The following RBFOX1 variants were observed in gnomAD, a reference collection of about 807,000 sequenced individuals.
RBFOX1 encodes the protein RNA binding fox-1 homolog 1.
RBFOX1 carries 8 observed loss-of-function variants against 57.7 expected under a neutral mutation model. The observed-to-expected ratio is 0.14, with a 90% CI of 0.08 to 0.25. RBFOX1 has a LOEUF of 0.25. Ranked by LOEUF, RBFOX1 falls within the 10% of genes least tolerant of loss-of-function variation. RBFOX1 has a pLI of 1.00. For missense variants in RBFOX1, 611 were observed against 548.5 expected, an observed-to-expected ratio of 1.11 and a Z score of -1.14; for synonymous variants, 326 against 222.4, an observed-to-expected ratio of 1.47 and a Z score of -4.15.
intron 2 of RBFOX1, among the ~76,000 whole-genome samples, chr16:5,522,211 G>A (rs7500340): frequency 0.71 from 107,700 of 152,104 alleles, 38,880 homozygotes; most frequent in East Asian, 0.88. Flanking sequence ...TCAAATCTGA[G>A]CTCTTCTACT....
At chr16:6,018,197 A>AAAGGGAGGGAGGAAGC (rs2095010365), upstream of RBFOX1, among the ~76,000 whole-genome samples, 1 of 145,490 alleles carries the variant, frequency 6.9e-6, no homozygotes, top group South Asian at 2.3e-4. Flanking sequence ...AGGAAGGAAG[A>AAAGGGAGGGAGGAAGC]AAGGGAGGGA....
chr16:7,633,207 A>G (rs940072802), intron 11 of RBFOX1, among the ~76,000 whole-genome samples: 2 of 152,224 alleles, frequency 1.3e-5, no homozygotes, highest in African/African-American at 4.8e-5. Context: ...CCGGCTCTTT[A>G]CAGAAGAAGT....
Position 6,861,340 on chromosome 16 carries a change from A to T in RBFOX1, c.-15-190717A>T, listed in dbSNP as rs190112488. 1.1e-4 allele frequency among the ~76,000 whole-genome samples: 16 copies of T among 152,316 alleles called. No individual in the cohort carries two copies. The East Asian group carries it at 2.9e-3, about 28-fold the overall frequency. Reference sequence around the variant, plus strand: ...TTGTCTTGGTAAGATTGTTAAGGGCAGATGAGTAAAGAGATGCAGTACCCT... The same window carrying T: ...TTGTCTTGGTAAGATTGTTAAGGGCTGATGAGTAAAGAGATGCAGTACCCT... On this transcript the variant is annotated intron_variant, in intron 3 of 15. Coordinates refer to ENST00000550418, the MANE Select transcript of RBFOX1 (RefSeq NM_018723.4).
At chr16:7,194,497 G>C (rs529713265) in intron 4 of RBFOX1, among the ~76,000 whole-genome samples, 1 of 151,938 alleles carries the variant, frequency 6.6e-6, no homozygotes, top group Admixed American at 6.6e-5. Flanking sequence ...AGCTCTTTGG[G>C]GCTAAAGATT....
At chr16:7,337,040 G>A (rs917869839) in intron 4 of RBFOX1, among the ~76,000 whole-genome samples, 1 of 152,184 alleles carries the variant, frequency 6.6e-6, no homozygotes, top group African/African-American at 2.4e-5. Flanking sequence ...CCCAAAATCT[G>A]ATTTTCAAAA....
rs558349894 is a variant in RBFOX1 at position 6,202,864 on chromosome 16, G to A, written c.-126-114131G>A. 5.3e-5 allele frequency among the ~76,000 whole-genome samples: 8 copies of A among 151,972 alleles called. No individual in the cohort carries two copies. The East Asian group carries it at 7.8e-4, about 15-fold the overall frequency. On this transcript the variant is annotated intron_variant, in intron 1 of 15. Transcript: ENST00000550418. ...GTGCAGTGGCACAATCAGAGCTCAC[G>A]GCAGCTCAAATATTCCTCCTGCCTC...
chr16:7,119,596 C>A (rs1281291679), intron 4 of RBFOX1, among the ~76,000 whole-genome samples: 1 of 151,858 alleles, frequency 6.6e-6, no homozygotes, highest in Non-Finnish European at 1.5e-5. Context: ...CAACAAAAAA[C>A]CACCCAGACA....
chr16:5,317,936 C>T (rs967614289), intron 1 of RBFOX1, among the ~76,000 whole-genome samples: 6 of 152,090 alleles, frequency 3.9e-5, no homozygotes, highest in African/African-American at 1.4e-4. Flanking sequence ...TCTCATTTCC[C>T]CTGTTCCTAG....
At chr16:7,699,359 T>C (rs1212438089) in intron 14 of RBFOX1, among the ~76,000 whole-genome samples, 1 of 152,162 alleles carries the variant, frequency 6.6e-6, no homozygotes, top group East Asian at 1.9e-4. Context: ...ACCCAGCTGA[T>C]ATCTTAATTT....
At chr16:6,879,505 C>G (rs542330252) in intron 3 of RBFOX1, among the ~76,000 whole-genome samples, 2 of 152,280 alleles carry the variant, frequency 1.3e-5, no homozygotes, top group African/African-American at 4.8e-5. Context: ...TTGCAATTTA[C>G]AAACTTACTT....
chr16:6,457,193 A>G (rs1558349), intron 2 of RBFOX1, among the ~76,000 whole-genome samples: 121,449 of 152,098 alleles, frequency 0.8, 48,601 homozygotes, highest in Middle Eastern at 0.87. Flanking sequence ...AAGGATTTAT[A>G]AGACAGTCTA....
At chr16:6,603,021 T>C (rs1306733127) in intron 2 of RBFOX1, among the ~76,000 whole-genome samples, 1 of 152,216 alleles carries the variant, frequency 6.6e-6, no homozygotes, top group Admixed American at 6.5e-5. Context: ...TTCCCAATTT[T>C]ATTTATTTCA....
chr16:5,516,974 G>A (rs910666282), intron 2 of RBFOX1, among the ~76,000 whole-genome samples: 4 of 151,144 alleles, frequency 2.6e-5, no homozygotes, highest in East Asian at 1.9e-4. Flanking sequence ...GAGCTAATAC[G>A]ACTCTTCTCC....
At chr16:7,172,752 C>G (rs756177999) in intron 4 of RBFOX1, among the ~76,000 whole-genome samples, 21 of 152,264 alleles carry the variant, frequency 1.4e-4, no homozygotes, top group Non-Finnish European at 2.5e-4. Context: ...GTGGCAGACA[C>G]AGAGGTGTCA....
intron 2 of RBFOX1, among the ~76,000 whole-genome samples, chr16:5,516,562 CAG>C (rs1462555571): frequency 6.6e-6 from 1 of 152,158 alleles, no homozygotes; most frequent in Non-Finnish European, 1.5e-5. Context: ...TTATTCAAGA[CAG>C]TGATTCTTTT....
intron 4 of RBFOX1, among the ~76,000 whole-genome samples, chr16:7,353,288 C>G (rs1051250384): frequency 1.3e-5 from 2 of 152,094 alleles, no homozygotes; most frequent in Non-Finnish European, 2.9e-5. Context: ...GCTAGAATGG[C>G]TATAATAAAA....
intron 3 of RBFOX1, among the ~76,000 whole-genome samples, chr16:6,759,887 G>A (rs2076360908): frequency 6.6e-6 from 1 of 152,188 alleles, no homozygotes; most frequent in South Asian, 2.1e-4. Flanking sequence ...ATGAAATCAA[G>A]TATGGTATAA....
chr16:6,264,844 C>G (rs1567807205), intron 1 of RBFOX1, among the ~76,000 whole-genome samples: 2 of 152,166 alleles, frequency 1.3e-5, no homozygotes, highest in Admixed American at 6.5e-5. Flanking sequence ...CAGGAAATTT[C>G]TTTTCCTTGA....
chr16:7,030,511 G>A (rs571582735), intron 3 of RBFOX1, among the ~76,000 whole-genome samples: 74 of 152,202 alleles, frequency 4.9e-4, no homozygotes, highest in African/African-American at 1.3e-3. Context: ...GGCTCCAGGC[G>A]TTCCTTGGTT....
Sources: gnomAD v4.1 joint callset for allele counts (sites outside exome capture counted in the v4.1 genomes callset) on GRCh38, gnomAD v4.1.1 for gene constraint, MANE v1.5 for transcripts, NCBI Gene and HGNC (gene_info 2026-07-23, HGNC 2026-07-21) for gene names.